The following FTCDNL1 variants were observed in gnomAD, a reference collection of about 807,000 sequenced individuals.
FTCDNL1 encodes the protein formiminotransferase N-terminal subdomain-containing protein.
Under a neutral mutation model 5.9 loss-of-function variants are expected in FTCDNL1, and 11 were observed. That is an observed-to-expected ratio of 1.87 (90% CI 1.18 to 3.10). FTCDNL1 has a LOEUF of 3.10. Ranked by LOEUF, FTCDNL1 falls within the 30% of genes most tolerant of loss-of-function variation. The pLI is 0.00. For missense variants in FTCDNL1, 115 were observed against 65.5 expected (o/e 1.76, Z -2.61); for synonymous variants, 58 against 24.8 (o/e 2.34, Z -3.99).
chr2:199,821,386 T>A lies in FTCDNL1; in HGVS notation c.212-1629A>T, dbSNP rs548582130. Among the ~76,000 whole-genome samples, 11 of 150,424 alleles carry A rather than the reference T, an allele frequency of 7.3e-5. No individual in the cohort carries two copies. In the East Asian group the frequency reaches 2.0e-3, roughly 27 times the overall value. ...CATGCTGGCCAGGCTGGTCTTGAAC[T>A]CCTGACCTCGTGATCTGCCCTCCTC... On this transcript the variant is annotated intron_variant, in intron 3 of 4. Transcript: ENST00000420128.
chr2:199,730,408 T>C, the FTCDNL1 span, among the ~76,000 whole-genome samples: 2 of 152,176 alleles, frequency 1.3e-5, no homozygotes, highest in Non-Finnish European at 2.9e-5. Context: ...ATAGGCAATC[T>C]ACAGAATAGG....
At chr2:199,787,394 G>A (rs1699712989) in intron 3 of FTCDNL1, among the ~76,000 whole-genome samples, 2 of 152,100 alleles carry the variant, frequency 1.3e-5, no homozygotes, top group South Asian at 4.1e-4. Context: ...ATGATGGCCA[G>A]GCTGGTCTCG....
At chr2:199,846,802 G>A (rs2076744519) in intron 2 of FTCDNL1, among the ~76,000 whole-genome samples, 2 of 152,140 alleles carry the variant, frequency 1.3e-5, no homozygotes, top group South Asian at 4.1e-4. Context: ...TCCCTTGTGT[G>A]GCAGCCATAC....
chr2:199,827,170 C>A (rs565943170), intron 3 of FTCDNL1, among the ~76,000 whole-genome samples: 1 of 152,306 alleles, frequency 6.6e-6, no homozygotes, highest in African/African-American at 2.4e-5. Context: ...TTCAACTAAT[C>A]AGACCTCTGG....
At chr2:199,848,443 T>G (rs901641602) in intron 2 of FTCDNL1, among the ~76,000 whole-genome samples, 1 of 152,254 alleles carries the variant, frequency 6.6e-6, no homozygotes, top group African/African-American at 2.4e-5. Flanking sequence ...AGTTTATTTT[T>G]CATTTAATCT....
chr2:199,792,068 T>C (rs367907240), intron 3 of FTCDNL1, among the ~76,000 whole-genome samples: 4 of 152,082 alleles, frequency 2.6e-5, no homozygotes, highest in South Asian at 4.1e-4. Context: ...TTTTGCCTTA[T>C]CCATTCAATT....
chr2:199,805,746 A>T (rs2106423135), downstream of FTCDNL1, among the ~76,000 whole-genome samples: 1 of 151,846 alleles, frequency 6.6e-6, no homozygotes, highest in African/African-American at 2.4e-5. Context: ...CTCAAAAAAT[A>T]AAATAAAATA....
chr2:199,772,514 C>T (rs1698863700), intron 3 of FTCDNL1, among the ~76,000 whole-genome samples: 3 of 151,862 alleles, frequency 2.0e-5, no homozygotes, highest in Admixed American at 6.6e-5. Context: ...TGTCAGTATG[C>T]TCTATATCTA....
rs1275570081 is a variant in FTCDNL1, at chr2:199,810,508, A to G, written c.*2197T>C. Among the ~76,000 whole-genome samples the G allele has an allele frequency of 6.6e-6, 1 of 152,136 alleles. No homozygotes were observed. Among genetic ancestry groups the G allele is most frequent in the Admixed American group, 6.5e-5 (1 of 15,274 alleles). The stretch of plus-strand genomic sequence containing the variant: ...CCTGTTGGAGGCACCTCTTTCTTCC[A>G]TCCCCAGCTATACAAGAGGCTGAGA... On this transcript the variant is annotated 3_prime_UTR_variant, in exon 5 of 5. Transcript: ENST00000420128.
the FTCDNL1 span, among the ~76,000 whole-genome samples, chr2:199,746,960 C>A: frequency 2.0e-5 from 3 of 151,630 alleles, no homozygotes; most frequent in Non-Finnish European, 4.4e-5. Flanking sequence ...GTGAGGTTCT[C>A]GTGAATTTTG....
chr2:199,827,872 C>T (rs769955), intron 3 of FTCDNL1, among the ~76,000 whole-genome samples: 125,727 of 152,100 alleles, frequency 0.83, 52,065 homozygotes, highest in Admixed American at 0.89. Context: ...GGAATGCTCC[C>T]ATATTTTAAC....
At chr2:199,728,580 T>A in the FTCDNL1 span, among the ~76,000 whole-genome samples, 3 of 152,126 alleles carry the variant, frequency 2.0e-5, no homozygotes, top group South Asian at 6.2e-4. Context: ...AAACTCAGAA[T>A]GAAATTTACC....
At chr2:199,729,109 G>A in the FTCDNL1 span, among the ~76,000 whole-genome samples, 2 of 152,236 alleles carry the variant, frequency 1.3e-5, no homozygotes, top group African/African-American at 2.4e-5. Flanking sequence ...GCGATGAGAT[G>A]ACGGAATACA....
chr2:199,739,289 A>G, the FTCDNL1 span, among the ~76,000 whole-genome samples: 121 of 152,258 alleles, frequency 7.9e-4, no homozygotes, highest in East Asian at 0.021. Context: ...ACCCTCTACC[A>G]CTTCGGAATC....
intron 3 of FTCDNL1, among the ~76,000 whole-genome samples, chr2:199,773,796 TATG>T (rs1698929836): frequency 1.3e-5 from 2 of 152,210 alleles, no homozygotes; most frequent in East Asian, 1.9e-4. Flanking sequence ...TGCTTTTCAT[TATG>T]ATAATTGCAT....
chr2:199,778,474 T>C (rs966981010), intron 3 of FTCDNL1, among the ~76,000 whole-genome samples: 2 of 152,154 alleles, frequency 1.3e-5, no homozygotes, highest in East Asian at 3.9e-4. Context: ...GTGCCCACCA[T>C]TCCAAGGGTC....
intron 3 of FTCDNL1, among the ~76,000 whole-genome samples, chr2:199,797,516 G>A (rs567207545): frequency 1.3e-5 from 2 of 152,222 alleles, no homozygotes; most frequent in South Asian, 4.2e-4. Flanking sequence ...GTGGCCATAT[G>A]GTGTGAAAAT....
the FTCDNL1 span, among the ~76,000 whole-genome samples, chr2:199,667,435 G>A: frequency 4.1e-4 from 62 of 152,118 alleles, no homozygotes; most frequent in African/African-American, 1.4e-3. Context: ...GCAAGAATTG[G>A]AGACTAGCCA....
chr2:199,840,402 T>G (rs771055257), intron 3 of FTCDNL1, among the ~76,000 whole-genome samples: 13 of 152,210 alleles, frequency 8.5e-5, no homozygotes, highest in Non-Finnish European at 1.8e-4. Flanking sequence ...CCACTAACTA[T>G]TGACCCAAAT....
Sources: allele counts gnomAD v4.1 joint callset (sites outside exome capture counted in the v4.1 genomes callset), GRCh38; gene constraint gnomAD v4.1.1; transcripts MANE v1.5; gene names NCBI Gene and HGNC (gene_info 2026-07-23, HGNC 2026-07-21).